Variants in ANKRD6 observed in about 807,000 individuals in gnomAD.
ANKRD6 encodes ankyrin repeat domain 6, also known as ankyrin repeat domain-containing protein 6.
ANKRD6 carries 56 observed loss-of-function variants against 82.3 expected under a neutral mutation model. That is an observed-to-expected ratio of 0.68 (90% CI 0.55 to 0.85). The LOEUF (loss-of-function observed/expected upper bound fraction) is 0.85, where lower values mean the gene tolerates loss of function less well. Ranked by LOEUF, ANKRD6 falls within the 40% of genes least tolerant of loss-of-function variation. The pLI, the probability that ANKRD6 is intolerant of heterozygous loss-of-function variation, is 0.00. For missense variants in ANKRD6, 852 were observed against 907.6 expected (o/e 0.94, Z 0.79); for synonymous variants, 347 against 352.1 (o/e 0.99, Z 0.16).
chr6:89,482,382 C>T lies in ANKRD6; in HGVS notation c.-144+49007C>T, dbSNP rs1029765456. Among the ~76,000 whole-genome samples, 4 of 152,300 alleles carry T rather than the reference C, an allele frequency of 2.6e-5. No individual in the cohort carries two copies. The South Asian group carries it at 8.3e-4, about 32-fold the overall frequency. On this transcript the variant is annotated intron_variant, in intron 1 of 15. Transcript: ENST00000339746. ...CTATTTTTGAGCATTATAAGAGTGGCTTCATCCCAGTATAAATCATTCTTT... is the reference window on the plus strand; with the variant it reads ...CTATTTTTGAGCATTATAAGAGTGGTTTCATCCCAGTATAAATCATTCTTT...
intron 1 of ANKRD6, among the ~76,000 whole-genome samples, chr6:89,553,345 G>T (rs1786111608): frequency 6.6e-6 from 1 of 152,210 alleles, no homozygotes; most frequent in Non-Finnish European, 1.5e-5. Flanking sequence ...CCTGAGGATG[G>T]CGGGCTCACT....
rs1395607991 is a variant in ANKRD6, at chr6:89,476,862, AT to A, written c.-144+43490del. Among the ~76,000 whole-genome samples the A allele has an allele frequency of 2.0e-5, 3 of 152,186 alleles. No homozygotes were observed. In the East Asian group the frequency reaches 5.8e-4, roughly 29 times the overall value. On this transcript the variant is annotated intron_variant, in intron 1 of 15. Transcript: ENST00000339746. Reference sequence around the variant, plus strand: ...TTGTTTTATAGTCTGCAACCATGCTATTTGTGAACAACATTCATTTTTACAT... The same window carrying A: ...TTGTTTTATAGTCTGCAACCATGCTATTGTGAACAACATTCATTTTTACAT...
In ANKRD6 at chr6:89,596,107, A is replaced by G. The variant is rs972274511; in HGVS notation, c.219+93A>G. 4.6e-6 allele frequency: 5 copies of G among 1,076,680 alleles called. No homozygotes were observed. The African/African-American group carries it at 6.3e-5, about 14-fold the overall frequency. The allele number at this position is 1,076,680 out of a possible 1,614,324, so 66.7% of individuals were successfully genotyped here. On this transcript the variant is annotated intron_variant, in intron 3 of 15. Transcript: ENST00000339746. ...AGTGTAAGCTGTGAGATGGGAGGGT[A>G]GTAGATGCTCTCGCAGCACATTTTA...
At chr6:89,583,606 A>G (rs2128123455) in intron 2 of ANKRD6, among the ~76,000 whole-genome samples, 1 of 152,316 alleles carries the variant, frequency 6.6e-6, no homozygotes, top group East Asian at 1.9e-4. Flanking sequence ...GACACGCTGT[A>G]ATTGAGGAGA....
At chr6:89,500,068 G>T (rs531854577) in intron 1 of ANKRD6, among the ~76,000 whole-genome samples, 1 of 152,258 alleles carries the variant, frequency 6.6e-6, no homozygotes, top group Non-Finnish European at 1.5e-5. Flanking sequence ...TGAGGCCTGG[G>T]CTTGGGGTGA....
intron 2 of ANKRD6, among the ~76,000 whole-genome samples, chr6:89,594,369 C>T (rs1399587192): frequency 4.0e-5 from 6 of 151,892 alleles, no homozygotes; most frequent in Admixed American, 6.6e-5. Context: ...GTGGGAGGAT[C>T]GCTTGAGCCA....
intron 5 of ANKRD6, among the ~76,000 whole-genome samples, chr6:89,609,720 C>T (rs1249037594): frequency 1.3e-5 from 2 of 152,060 alleles, no homozygotes; most frequent in Non-Finnish European, 2.9e-5. Context: ...CAAGCTATTA[C>T]GCTGCCTCAG....
At chr6:89,486,699 C>T (rs1582867511) in intron 1 of ANKRD6, among the ~76,000 whole-genome samples, 1 of 152,200 alleles carries the variant, frequency 6.6e-6, no homozygotes, top group Non-Finnish European at 1.5e-5. Context: ...GTCTCAAACT[C>T]CCGGGCTCAA....
At chr6:89,588,874 G>T (rs908101374) in intron 2 of ANKRD6, among the ~76,000 whole-genome samples, 1 of 151,744 alleles carries the variant, frequency 6.6e-6, no homozygotes, top group South Asian at 2.1e-4. Context: ...GTGTGGTGGT[G>T]CACGCCTGTA....
At chr6:89,566,059 G>C (rs1419776439) in intron 1 of ANKRD6, among the ~76,000 whole-genome samples, 2 of 152,210 alleles carry the variant, frequency 1.3e-5, no homozygotes, top group African/African-American at 4.8e-5. Context: ...CTACCCTCCA[G>C]ATCACTGCTC....
intron 3 of ANKRD6, among the ~76,000 whole-genome samples, chr6:89,597,225 A>T (rs1202812393): frequency 1.3e-5 from 2 of 152,218 alleles, no homozygotes; most frequent in East Asian, 1.9e-4. Context: ...AAAAATGTTG[A>T]TTTAGCTTTA....
intron 1 of ANKRD6, among the ~76,000 whole-genome samples, chr6:89,535,331 TG>T (rs140957188): frequency 0.048 from 7,379 of 152,212 alleles, 259 homozygotes; most frequent in South Asian, 0.13. Context: ...TTAGCCATCC[TG>T]GGGGGAAAAA....
chr6:89,465,267 C>T (rs930889546), intron 1 of ANKRD6, among the ~76,000 whole-genome samples: 3 of 151,662 alleles, frequency 2.0e-5, no homozygotes, highest in Non-Finnish European at 4.4e-5. Flanking sequence ...TTACAGGTGC[C>T]TGCCACCAAG....
chr6:89,556,760 T>C (rs1227684713), intron 1 of ANKRD6, among the ~76,000 whole-genome samples: 1 of 152,210 alleles, frequency 6.6e-6, no homozygotes, highest in Non-Finnish European at 1.5e-5. Flanking sequence ...ACTTTCTATG[T>C]GGCGGGCATT....
Position 89,623,941 on chromosome 6 carries a change from C to A in ANKRD6, c.1102C>A (p.His368Asn), listed in dbSNP as rs1463802964. 6.2e-7 allele frequency: 1 copy of A among 1,613,954 alleles called. No individual in the cohort carries two copies. The highest frequency in any genetic ancestry group is 1.7e-5 in the Admixed American group (1 of 60,014). The change falls in exon 12 of 16, where the codon CAT (histidine) becomes AAT (asparagine). Residue 368 changes from histidine (H) to asparagine (N), a missense_variant. By Grantham distance (68) the His-to-Asn change is moderately conservative. Coordinates refer to ENST00000339746, the MANE Select transcript of ANKRD6 (RefSeq NM_001242809.2). Reference protein sequence around the residue: ...QPGHQKNLHAHNHPKKRNRHR... With the variant: ...QPGHQKNLHANNHPKKRNRHR... ...TGGACACCAGAAGAACCTGCATGCT[C>A]ATAATCACCCTAAAAAGAGGAACAG... is the stretch of plus-strand genomic sequence containing the variant.
At chr6:89,497,801 A>G (rs1422420696) in intron 1 of ANKRD6, among the ~76,000 whole-genome samples, 1 of 152,228 alleles carries the variant, frequency 6.6e-6, no homozygotes, top group Non-Finnish European at 1.5e-5. Context: ...ACAGTGTGCA[A>G]CCATCATCAG....
At chr6:89,471,100 G>A (rs1775398074) in intron 1 of ANKRD6, among the ~76,000 whole-genome samples, 1 of 151,868 alleles carries the variant, frequency 6.6e-6, no homozygotes, top group Non-Finnish European at 1.5e-5. Context: ...AGTCTTCTGG[G>A]GACCTGAGCC....
intron 1 of ANKRD6, among the ~76,000 whole-genome samples, chr6:89,437,518 T>C (rs1022137819): frequency 2.6e-5 from 4 of 152,118 alleles, no homozygotes; most frequent in Non-Finnish European, 4.4e-5. Flanking sequence ...AATAATAATA[T>C]ATTAGGTACA....
intron 1 of ANKRD6, among the ~76,000 whole-genome samples, chr6:89,491,678 A>G (rs1778025230): frequency 6.6e-6 from 1 of 152,052 alleles, no homozygotes; most frequent in African/African-American, 2.4e-5. Flanking sequence ...TAAGAGATAT[A>G]CCTAATGTAA....
Sources: gnomAD v4.1 joint callset for allele counts (sites outside exome capture counted in the v4.1 genomes callset) on GRCh38, gnomAD v4.1.1 for gene constraint, MANE v1.5 for transcripts, NCBI Gene and HGNC (gene_info 2026-07-23, HGNC 2026-07-21) for gene names.